The following ADAM18 variants were observed in gnomAD, a reference collection of about 807,000 sequenced individuals.
ADAM18 encodes ADAM metallopeptidase domain 18.
A neutral mutation model predicts 94.4 loss-of-function variants in ADAM18; 117 were observed. That is an observed-to-expected ratio of 1.24 (90% CI 1.07 to 1.45). ADAM18 has a LOEUF of 1.45. Among genes scored for constraint, ADAM18 ranks in the 40% most tolerant of loss-of-function variants. ADAM18 has a pLI of 0.00. For synonymous variants in ADAM18, 327 were observed against 291.6 expected (o/e 1.12, Z -1.24); for missense variants, 936 against 880.0 (o/e 1.06, Z -0.81).
intron 13 of ADAM18, among the ~76,000 whole-genome samples, chr8:39,666,718 C>A (rs1821000594): frequency 1.3e-5 from 2 of 152,140 alleles, no homozygotes; most frequent in Non-Finnish European, 2.9e-5. Flanking sequence ...TCTTGTGAGA[C>A]CTATTCACTA....
intron 5 of ADAM18, 86 bp downstream of exon 5, chr8:39,609,647 TG>T: frequency 1.1e-6 from 1 of 913,902 alleles, no homozygotes. Flanking sequence ...ACACAAATCA[TG>T]GAAGTTTAAG....
chr8:39,591,723 T>C (rs964096545), intron 2 of ADAM18, among the ~76,000 whole-genome samples: 28 of 152,350 alleles, frequency 1.8e-4, no homozygotes, highest in African/African-American at 5.8e-4. Flanking sequence ...CCTCTTTCCA[T>C]GAATCGTGAA....
chr8:39,605,710 T>C (rs769869711), intron 2 of ADAM18: 4 of 230,346 alleles, frequency 1.7e-5, no homozygotes, highest in Non-Finnish European at 3.5e-5. Flanking sequence ...TTTTATTTTA[T>C]TTTATTTTTA....
chr8:39,714,804 C>A (rs1362241386), intron 18 of ADAM18, among the ~76,000 whole-genome samples: 1 of 152,046 alleles, frequency 6.6e-6, no homozygotes, highest in Non-Finnish European at 1.5e-5. Context: ...TACAATGAAA[C>A]CATCTTTTCT....
At chr8:39,713,855 G>A (rs1822492809) in intron 18 of ADAM18, among the ~76,000 whole-genome samples, 1 of 152,170 alleles carries the variant, frequency 6.6e-6, no homozygotes, top group Non-Finnish European at 1.5e-5. Flanking sequence ...GCATAAATTA[G>A]TTCAACCATT....
chr8:39,586,760 CT>C (rs1042960326), intron 2 of ADAM18, among the ~76,000 whole-genome samples: 1 of 45,086 alleles, frequency 2.2e-5, no homozygotes, highest in Non-Finnish European at 3.9e-5. Flanking sequence ...AAAAAACTAT[CT>C]ATCTATCTAT....
At chr8:39,685,487 G>A (rs754016017) in intron 16 of ADAM18, 1 of 152,250 alleles carries the variant, frequency 6.6e-6, no homozygotes, top group Non-Finnish European at 1.5e-5. Flanking sequence ...TGGTAACTCT[G>A]ATCCTGTAAT....
Position 39,644,834 on chromosome 8 carries a change from TA to T in ADAM18, c.910-503del, listed in dbSNP as rs1426925964. On this transcript the variant is annotated intron_variant, in intron 10 of 19. Transcript: ENST00000265707. ...CATAAAATTTTCTATTGGAGTACTTTATTTTCTTAAAAGCATGTGTAACAAT... is the reference window on the plus strand; with the variant it reads ...CATAAAATTTTCTATTGGAGTACTTTTTTTCTTAAAAGCATGTGTAACAAT... Among the ~76,000 whole-genome samples, 24 of 152,332 alleles carry T rather than the reference TA, an allele frequency of 1.6e-4. 1 individual carries two copies. Among genetic ancestry groups the T allele is most frequent in the Admixed American group, 1.4e-3 (22 of 15,282 alleles).
intron 19 of ADAM18, among the ~76,000 whole-genome samples, chr8:39,726,005 C>A (rs1046749695): frequency 3.3e-5 from 5 of 152,040 alleles, no homozygotes; most frequent in Non-Finnish European, 5.9e-5. Flanking sequence ...CATGTCTTTA[C>A]CAACCTTGCT....
chr8:39,648,422 A>T lies in ADAM18; in HGVS notation c.1125A>T (p.Lys375Asn), dbSNP rs1820442957. ...YRYFVSKFET[K>N]CLQKLSNLQP... The stretch of plus-strand genomic sequence containing the variant: ...ATTTTGTTTCAAAATTTGAGACTAA[A>T]TGCCTTCAGAAGCTTTCAAATTTGC... The change falls in exon 12 of 20, where the codon AAA (lysine) becomes AAT (asparagine). Residue 375 changes from lysine to asparagine, a missense_variant. Transcript: ENST00000265707. The T allele has an allele frequency of 6.2e-7, 1 of 1,613,156 alleles. No individual in the cohort carries two copies. Among genetic ancestry groups the T allele is most frequent in the Admixed American group, 1.7e-5 (1 of 59,854 alleles).
intron 19 of ADAM18, among the ~76,000 whole-genome samples, chr8:39,726,214 A>G (rs975212662): frequency 1.3e-5 from 2 of 151,348 alleles, no homozygotes; most frequent in African/African-American, 4.9e-5. Context: ...GACAATTTTT[A>G]AATCAGGTTA....
intron 7 of ADAM18, among the ~76,000 whole-genome samples, chr8:39,632,778 C>T (rs1819965182): frequency 1.3e-5 from 2 of 152,010 alleles, no homozygotes; most frequent in South Asian, 2.1e-4. Flanking sequence ...ACCCTGTAGA[C>T]CTTAAGTTTT....
intron 2 of ADAM18, among the ~76,000 whole-genome samples, chr8:39,589,568 T>C (rs186908192): frequency 1.3e-4 from 20 of 152,042 alleles, no homozygotes; most frequent in African/African-American, 4.8e-4. Context: ...TTGACATGCG[T>C]ATTTTACACA....
intron 12 of ADAM18, among the ~76,000 whole-genome samples, chr8:39,654,642 A>G (rs1455468041): frequency 8.1e-6 from 1 of 123,964 alleles, no homozygotes; most frequent in Non-Finnish European, 1.8e-5. Flanking sequence ...TAATAACTAT[A>G]ATACTTTAGA....
In ADAM18 at chr8:39,706,321, A is replaced by G. The variant is rs549178915; in HGVS notation, c.1903-469A>G. The stretch of plus-strand genomic sequence containing the variant: ...GCACATTATTGACCAATAATGTCAA[A>G]TGTTGAAAAGGGGCTAGGATAAGGA... On this transcript the variant is annotated intron_variant, in intron 17 of 19. Transcript: ENST00000265707. Among the ~76,000 whole-genome samples the G allele has an allele frequency of 4.1e-4, 62 of 152,230 alleles. 1 individual carries two copies. Among genetic ancestry groups the G allele is most frequent in the Middle Eastern group, 3.4e-3 (1 of 294 alleles).
chr8:39,700,065 G>T (rs1397986238), intron 17 of ADAM18, among the ~76,000 whole-genome samples: 3 of 152,102 alleles, frequency 2.0e-5, no homozygotes, highest in African/African-American at 7.2e-5. Flanking sequence ...ATCTGTGTGT[G>T]ATTTATGCCA....
chr8:39,611,690 A>AAT, intron 6 of ADAM18: 1 of 768,676 alleles, frequency 1.3e-6, no homozygotes, highest in Non-Finnish European at 1.6e-6. Flanking sequence ...AATACATCAA[A>AAT]AAGCTGAGGT....
At chr8:39,602,414 A>G (rs115483222) in intron 2 of ADAM18, among the ~76,000 whole-genome samples, 139 of 152,192 alleles carry the variant, frequency 9.1e-4, no homozygotes, top group African/African-American at 3.1e-3. Context: ...TACTCTTATG[A>G]TTTTATAGGT....
At position 39,609,077 on chromosome 8, in the gene ADAM18, A is replaced by G. The variant is rs968324294; in HGVS notation, c.224A>G (p.Tyr75Cys). 1.3e-6 allele frequency: 2 copies of G among 1,591,614 alleles called. No individual in the cohort carries two copies. Among genetic ancestry groups the G allele is most frequent in the Non-Finnish European group, 1.7e-6 (2 of 1,169,068 alleles). ...CCCCAGAACTTTTTGGTTTATACATATAATGAAACTGGATCTTTGCATTCT... is the reference window on the plus strand; with the variant it reads ...CCCCAGAACTTTTTGGTTTATACATGTAATGAAACTGGATCTTTGCATTCT... ...FLPQNFLVYTYNETGSLHSVS... is the reference protein window; with the variant it reads ...FLPQNFLVYTCNETGSLHSVS... The change falls in exon 4 of 20, where the codon TAT (tyrosine) becomes TGT (cysteine). Residue 75 changes from tyrosine to cysteine, a missense_variant. Transcript: ENST00000265707.
Sources: gnomAD v4.1 joint callset for allele counts (sites outside exome capture counted in the v4.1 genomes callset) on GRCh38, gnomAD v4.1.1 for gene constraint, MANE v1.5 for transcripts, NCBI Gene and HGNC (gene_info 2026-07-23, HGNC 2026-07-21) for gene names.